GLIS1: variants seen among roughly 807,000 people sequenced by gnomAD.
The protein encoded by GLIS1 is GLIS family zinc finger 1.
GLIS1 carries 24 observed loss-of-function variants against 63.8 expected under a neutral mutation model. The observed-to-expected ratio is 0.38, with a 90% confidence interval of 0.27 to 0.53. The LOEUF is 0.53. Among genes scored for constraint, GLIS1 ranks in the 20% least tolerant of loss-of-function variants. The pLI is 0.85. For missense variants in GLIS1, 1,036 were observed against 1,074.1 expected (o/e 0.96, Z 0.50); for synonymous variants, 450 against 482.5 (o/e 0.93, Z 0.88).
chr1:53,513,799 G>A (rs922965372), intron 8 of GLIS1, among the ~76,000 whole-genome samples: 1 of 152,230 alleles, frequency 6.6e-6, no homozygotes, highest in African/African-American at 2.4e-5. Context: ...GTAATAATAG[G>A]AGCAGTGGGC....
intron 8 of GLIS1, among the ~76,000 whole-genome samples, chr1:53,513,003 T>C (rs1024627145): frequency 6.6e-6 from 1 of 152,134 alleles, no homozygotes; most frequent in African/African-American, 2.4e-5. Context: ...ATAATGCCTT[T>C]CACAGAAGCA....
intron 2 of GLIS1, among the ~76,000 whole-genome samples, chr1:53,664,143 A>G (rs1646062632): frequency 6.6e-6 from 1 of 152,194 alleles, no homozygotes; most frequent in Non-Finnish European, 1.5e-5. Flanking sequence ...TTCCAGGGGA[A>G]AGCCTGGCAC....
intron 2 of GLIS1, among the ~76,000 whole-genome samples, chr1:53,641,320 G>C (rs988923439): frequency 1.3e-5 from 2 of 152,170 alleles, no homozygotes; most frequent in Admixed American, 1.3e-4. Flanking sequence ...TTGTCCTAGA[G>C]ATTAAATGAC....
chr1:53,726,781 C>T (rs939742398), intron 2 of GLIS1, among the ~76,000 whole-genome samples: 1 of 152,190 alleles, frequency 6.6e-6, no homozygotes, highest in Admixed American at 6.5e-5. Context: ...ATCTCTGCAG[C>T]TCAAGCCTCA....
intron 2 of GLIS1, among the ~76,000 whole-genome samples, chr1:53,684,351 C>T (rs978557970): frequency 3.9e-5 from 6 of 152,156 alleles, no homozygotes; most frequent in Admixed American, 1.3e-4. Context: ...TTTCCTAACC[C>T]TGGGAAAGCG....
At position 53,515,079 on chromosome 1, in the gene GLIS1, A is replaced by ATGTGTGTG. The variant is rs5774151; in HGVS notation, c.1727-306_1727-299dup. The stretch of plus-strand genomic sequence containing the variant: ...TGGGGTGCTTAGGGTGTGTGTGTAT[A>ATGTGTGTG]TGTGTGTGTGTGTGTGTGTGTGTGT... On this transcript the variant is annotated intron_variant, in intron 7 of 10. Coordinates refer to ENST00000628545, the MANE Select transcript of GLIS1 (RefSeq NM_001367484.1). Among the ~76,000 whole-genome samples the ATGTGTGTG allele has an allele frequency of 3.0e-3, 423 of 142,088 alleles. 1 individual carries two copies. The highest frequency in any genetic ancestry group is 0.014 in the South Asian group (59 of 4,236). The allele number at this position is 142,088 out of a possible 152,430, so 93.2% of individuals were successfully genotyped here.
chr1:53,738,926 G>A (rs920860144), intron 1 of GLIS1, among the ~76,000 whole-genome samples, 179 bp downstream of exon 1: 2 of 152,164 alleles, frequency 1.3e-5, no homozygotes, highest in Admixed American at 1.3e-4. Context: ...GCGTGCGATG[G>A]GGGCCGCGAC....
chr1:53,711,716 T>C (rs1313071098), intron 2 of GLIS1, among the ~76,000 whole-genome samples: 1 of 152,236 alleles, frequency 6.6e-6, no homozygotes, highest in Non-Finnish European at 1.5e-5. Flanking sequence ...GTTCAGTGTG[T>C]GGCATGTAGC....
chr1:53,658,543 G>T (rs1173696340), intron 2 of GLIS1, among the ~76,000 whole-genome samples: 2 of 152,202 alleles, frequency 1.3e-5, no homozygotes, highest in Non-Finnish European at 2.9e-5. Context: ...ATGGGCTCAA[G>T]GTCAGGGAAG....
intron 4 of GLIS1, among the ~76,000 whole-genome samples, chr1:53,559,507 C>A (rs1228442643): frequency 2.6e-5 from 4 of 152,198 alleles, no homozygotes; most frequent in Non-Finnish European, 4.4e-5. Flanking sequence ...TCCTGCCAGG[C>A]GACCTCAGGC....
At chr1:53,685,228 A>G (rs1646321925) in intron 2 of GLIS1, among the ~76,000 whole-genome samples, 1 of 152,082 alleles carries the variant, frequency 6.6e-6, no homozygotes. Flanking sequence ...GGCCACAGAG[A>G]AGGAGACTAG....
intron 2 of GLIS1, among the ~76,000 whole-genome samples, chr1:53,707,090 G>A (rs1331127485): frequency 6.6e-6 from 1 of 152,146 alleles, no homozygotes; most frequent in Non-Finnish European, 1.5e-5. Flanking sequence ...ATGCAGGAAA[G>A]GATAATAGGA....
rs528193375 is a variant in GLIS1 at position 53,631,051 on chromosome 1, G to A, written c.260-30773C>T. On this transcript the variant is annotated intron_variant, in intron 2 of 10. Coordinates refer to ENST00000628545, the MANE Select transcript of GLIS1 (RefSeq NM_001367484.1). ...AGTAAGGATATCAGGTTTGCTCTTTGTAGCAAATACTCTTCCCAATTTTTT... is the reference window on the plus strand; with the variant it reads ...AGTAAGGATATCAGGTTTGCTCTTTATAGCAAATACTCTTCCCAATTTTTT... Among the ~76,000 whole-genome samples, 64 of 152,240 alleles carry A rather than the reference G, an allele frequency of 4.2e-4. 1 individual carries two copies. The highest frequency in any genetic ancestry group is 1.4e-3 in the African/African-American group (60 of 41,514).
chr1:53,522,889 G>C (rs1644424052), intron 6 of GLIS1, among the ~76,000 whole-genome samples: 1 of 152,144 alleles, frequency 6.6e-6, no homozygotes, highest in South Asian at 2.1e-4. Flanking sequence ...ATTCCAGCCT[G>C]GGTGACAGAG....
intron 10 of GLIS1, among the ~76,000 whole-genome samples, chr1:53,508,704 G>A (rs1271566794): frequency 6.6e-6 from 1 of 152,180 alleles, no homozygotes; most frequent in Non-Finnish European, 1.5e-5. Context: ...ATGACCTCCA[G>A]GTTCTGTCCC....
intron 2 of GLIS1, among the ~76,000 whole-genome samples, chr1:53,660,114 G>T (rs1184951489): frequency 2.0e-5 from 3 of 152,276 alleles, no homozygotes; most frequent in Non-Finnish European, 2.9e-5. Flanking sequence ...CCAGGTTGGG[G>T]AGCCACCTTG....
intron 2 of GLIS1, among the ~76,000 whole-genome samples, chr1:53,619,710 C>G (rs957284371): frequency 6.6e-6 from 1 of 152,240 alleles, no homozygotes; most frequent in Non-Finnish European, 1.5e-5. Flanking sequence ...GGCCCACAGG[C>G]CAGGAGAAGC....
At chr1:53,531,498 A>C (rs1230549020) in intron 4 of GLIS1, among the ~76,000 whole-genome samples, 1 of 152,112 alleles carries the variant, frequency 6.6e-6, no homozygotes, top group East Asian at 1.9e-4. Context: ...GCTGATTTTC[A>C]TGGCCTTGGC....
chr1:53,723,571 TG>T (rs1489160096), intron 2 of GLIS1, among the ~76,000 whole-genome samples: 1 of 152,128 alleles, frequency 6.6e-6, no homozygotes, highest in Non-Finnish European at 1.5e-5. Flanking sequence ...ATATTCAGAA[TG>T]ATCTCAATGA....
Sources: allele counts gnomAD v4.1 joint callset (sites outside exome capture counted in the v4.1 genomes callset), GRCh38; gene constraint gnomAD v4.1.1; transcripts MANE v1.5; gene names NCBI Gene and HGNC (gene_info 2026-07-23, HGNC 2026-07-21).